Variants in HECW1 observed in about 807,000 individuals in gnomAD.
The protein encoded by HECW1 is E3 ubiquitin-protein ligase HECW1.
A neutral mutation model predicts 182.3 loss-of-function variants in HECW1; 61 were observed. The observed-to-expected ratio is 0.33, with a 90% CI of 0.27 to 0.41. The LOEUF is 0.41. HECW1 is among the 10% of genes least tolerant of loss of function. HECW1 has a pLI of 1.00. For synonymous variants in HECW1, 859 were observed against 832.6 expected, an observed-to-expected ratio of 1.03 and a Z score of -0.55; for missense variants, 1,739 against 2,108.9, an observed-to-expected ratio of 0.82 and a Z score of 3.44.
chr7:43,459,839 A>T (rs2077522802), intron 13 of HECW1, among the ~76,000 whole-genome samples: 1 of 152,158 alleles, frequency 6.6e-6, no homozygotes, highest in South Asian at 2.1e-4. Flanking sequence ...TGCCCAGCCA[A>T]TTTAGCTTTT....
At chr7:43,214,385 CTT>C (rs1796266213) in intron 2 of HECW1, among the ~76,000 whole-genome samples, 1 of 152,064 alleles carries the variant, frequency 6.6e-6, no homozygotes, top group African/African-American at 2.4e-5. Flanking sequence ...TAATAAATAA[CTT>C]AGGAAATAAT....
intron 4 of HECW1, among the ~76,000 whole-genome samples, chr7:43,318,466 G>A (rs1247821455): frequency 3.3e-5 from 5 of 152,192 alleles, no homozygotes; most frequent in South Asian, 2.1e-4. Context: ...AGTTCTTATC[G>A]GTAATGAGTG....
At chr7:43,520,771 C>A (rs751233704) in intron 24 of HECW1, among the ~76,000 whole-genome samples, 5 of 152,098 alleles carry the variant, frequency 3.3e-5, no homozygotes, top group Non-Finnish European at 7.4e-5. Flanking sequence ...GTTCACTGAG[C>A]CCCTCAGGCT....
chr7:43,470,309 G>T (rs1456986646), intron 16 of HECW1, among the ~76,000 whole-genome samples: 1 of 152,184 alleles, frequency 6.6e-6, no homozygotes, highest in Admixed American at 6.5e-5. Flanking sequence ...GGGTAGCCAC[G>T]TTTACATTTA....
chr7:43,320,483 G>T (rs1809966257), intron 4 of HECW1, 152 bp from the exon 5 acceptor site: 5 of 608,824 alleles, frequency 8.2e-6, no homozygotes, highest in Non-Finnish European at 1.2e-5. Context: ...GCGTCTTGGG[G>T]TGCTTCCTGC....
intron 6 of HECW1, among the ~76,000 whole-genome samples, chr7:43,371,687 T>C (rs2074109568): frequency 1.3e-5 from 2 of 152,194 alleles, no homozygotes; most frequent in South Asian, 4.1e-4. Flanking sequence ...ATTGCTGCAT[T>C]GTGGGAACAG....
At chr7:43,223,342 G>A (rs978910179) in intron 2 of HECW1, among the ~76,000 whole-genome samples, 1 of 152,190 alleles carries the variant, frequency 6.6e-6, no homozygotes, top group Non-Finnish European at 1.5e-5. Context: ...TCAAGGCCAG[G>A]CGCCATGGCT....
intron 6 of HECW1, among the ~76,000 whole-genome samples, chr7:43,374,523 G>A (rs1408975143): frequency 8.5e-6 from 1 of 118,104 alleles, no homozygotes; most frequent in Admixed American, 7.8e-5. Context: ...ATGAACAACA[G>A]ATGCACTTTG....
At chr7:43,484,513 T>C (rs1271143793) in intron 17 of HECW1, 3 of 152,230 alleles carry the variant, frequency 2.0e-5, no homozygotes, top group African/African-American at 7.2e-5. Flanking sequence ...AGTGTGGGTA[T>C]TTTCTGTTCA....
At chr7:43,145,906 T>G (rs1287468892) in intron 2 of HECW1, among the ~76,000 whole-genome samples, 1 of 152,192 alleles carries the variant, frequency 6.6e-6, no homozygotes, top group South Asian at 2.1e-4. Context: ...GAACTGCTCT[T>G]GCTGAACGGT....
At chr7:43,335,798 T>C (rs1812064053) in intron 5 of HECW1, among the ~76,000 whole-genome samples, 1 of 125,022 alleles carries the variant, frequency 8.0e-6, no homozygotes, top group South Asian at 2.6e-4. Flanking sequence ...CTTCCTTCCT[T>C]CCATCTCTTT....
intron 5 of HECW1, among the ~76,000 whole-genome samples, chr7:43,340,940 A>G (rs1812898349): frequency 6.6e-6 from 1 of 151,860 alleles, no homozygotes; most frequent in South Asian, 2.1e-4. Context: ...GTGGATTAAG[A>G]AAATGTGGCA....
intron 7 of HECW1, among the ~76,000 whole-genome samples, chr7:43,403,323 C>A (rs1328205777): frequency 6.6e-6 from 1 of 152,070 alleles, no homozygotes; most frequent in Non-Finnish European, 1.5e-5. Context: ...AGTGACAGGG[C>A]AAAGGAAAAG....
chr7:43,248,895 C>G (rs1405843568), intron 3 of HECW1: 2 of 152,400 alleles, frequency 1.3e-5, no homozygotes, highest in Non-Finnish European at 2.9e-5. Context: ...AACCTCTAGA[C>G]CCCAGTGACT....
At chr7:43,546,275 G>T in intron 26 of HECW1, among the ~76,000 whole-genome samples, 1 of 96,190 alleles carries the variant, frequency 1.0e-5, no homozygotes, top group South Asian at 3.5e-4. Context: ...TGATTTCCTT[G>T]ATTGGCTCTG....
chr7:43,200,377 G>A (rs903865973), intron 2 of HECW1, among the ~76,000 whole-genome samples: 3 of 152,114 alleles, frequency 2.0e-5, no homozygotes, highest in African/African-American at 7.2e-5. Flanking sequence ...CTTAAGAATG[G>A]AAAATTTTGG....
intron 4 of HECW1, among the ~76,000 whole-genome samples, chr7:43,312,606 A>G (rs896915562): frequency 1.3e-5 from 2 of 152,210 alleles, no homozygotes; most frequent in Non-Finnish European, 2.9e-5. Flanking sequence ...TTAGGTGGAG[A>G]TTTATTCAAA....
chr7:43,245,921 G>A (rs1312938091), intron 3 of HECW1: 1 of 151,992 alleles, frequency 6.6e-6, no homozygotes, highest in Non-Finnish European at 1.5e-5. Context: ...GTGCTTTCAT[G>A]TAAATCTTCA....
intron 5 of HECW1, among the ~76,000 whole-genome samples, chr7:43,336,581 A>C (rs537656774): frequency 2.0e-5 from 3 of 152,226 alleles, no homozygotes; most frequent in East Asian, 3.9e-4. Flanking sequence ...CAAGGGGTAC[A>C]TGGCTTGTTT....
Sources: gnomAD v4.1 joint callset for allele counts (sites outside exome capture counted in the v4.1 genomes callset) on GRCh38, gnomAD v4.1.1 for gene constraint, MANE v1.5 for transcripts, NCBI Gene and HGNC (gene_info 2026-07-23, HGNC 2026-07-21) for gene names.